The following PVALB variants were observed in gnomAD, a reference collection of about 807,000 sequenced individuals.
The protein encoded by PVALB is parvalbumin.
PVALB carries 11 observed loss-of-function variants against 10.9 expected under a neutral mutation model. The observed-to-expected ratio is 1.01, with a 90% CI of 0.63 to 1.67. The LOEUF (loss-of-function observed/expected upper bound fraction) is 1.67, where lower values mean the gene tolerates loss of function less well. PVALB is among the 40% of genes most tolerant of loss of function. PVALB has a pLI of 0.00. For missense variants in PVALB, 131 were observed against 136.2 expected, an observed-to-expected ratio of 0.96 and a Z score of 0.19; for synonymous variants, 57 against 50.7, an observed-to-expected ratio of 1.12 and a Z score of -0.53.
At chr22:36,808,066 C>G (rs1435402137) in intron 3 of PVALB, among the ~76,000 whole-genome samples, 2 of 152,232 alleles carry the variant, frequency 1.3e-5, no homozygotes, top group East Asian at 3.8e-4. Context: ...AAGAATGTAA[C>G]TAGGACTGCG....
At chr22:36,814,788 T>C (rs73421723) in intron 2 of PVALB, among the ~76,000 whole-genome samples, 6,048 of 152,262 alleles carry the variant, frequency 0.04, 383 homozygotes, top group African/African-American at 0.14. Context: ...CCTATGGTGT[T>C]AGGCAGCAAG....
chr22:36,817,382 CG>C, upstream of PVALB: 1 of 172,136 alleles, frequency 5.8e-6, no homozygotes, highest in Non-Finnish European at 1.2e-5. Flanking sequence ...GCAGGAGGTG[CG>C]CCGTCTCAGA....
chr22:36,816,495 C>A, intron 1 of PVALB: 1 of 164,748 alleles, frequency 6.1e-6, no homozygotes, highest in Non-Finnish European at 1.3e-5. Flanking sequence ...CCAACAAAGG[C>A]TACCGCCTGG....
At chr22:36,811,112 C>T (rs1361245953) in intron 3 of PVALB, among the ~76,000 whole-genome samples, 2 of 152,074 alleles carry the variant, frequency 1.3e-5, no homozygotes, top group Non-Finnish European at 2.9e-5. Context: ...CTCGTCTCTA[C>T]TAAAAATACA....
At chr22:36,809,815 G>A (rs906341502) in intron 3 of PVALB, among the ~76,000 whole-genome samples, 4 of 148,458 alleles carry the variant, frequency 2.7e-5, no homozygotes, top group African/African-American at 4.9e-5. Context: ...GGGCTGGAAC[G>A]CACCCCAGTA....
intron 3 of PVALB, among the ~76,000 whole-genome samples, chr22:36,803,673 G>A (rs370246630): frequency 1.5e-4 from 18 of 119,798 alleles, no homozygotes; most frequent in South Asian, 9.1e-4. Context: ...GGGTGGGTGG[G>A]TGGATGGATG....
chr22:36,802,377 C>T (rs180856363), intron 3 of PVALB, among the ~76,000 whole-genome samples: 18 of 151,656 alleles, frequency 1.2e-4, no homozygotes, highest in African/African-American at 4.1e-4. Context: ...CTGAGGTGGG[C>T]GGATCACGAG....
At position 36,813,749 on chromosome 22, in the gene PVALB, G is replaced by A. The variant is rs370605791; in HGVS notation, c.201C>T (p.Ile67=). The A allele has an allele frequency of 7.5e-6, 12 of 1,610,460 alleles. 1 individual carries two copies. In the Admixed American group the frequency reaches 1.5e-4, roughly 20 times the overall value. The change falls in exon 3 of 4, where the codon ATC becomes ATT. Residue 67 remains isoleucine, a synonymous_variant. Transcript: ENST00000417718. ...GFIEEDELGF[I]LKGFSPDARD... is the part of the protein sequence containing the mutation. ...TGGCATCTGGGGAGAAGCCTTTTAG[G>A]ATGAATCTGGAGGAGAAAAGGGAGA... is the stretch of plus-strand genomic sequence containing the variant.
intron 3 of PVALB, among the ~76,000 whole-genome samples, chr22:36,809,252 G>GTTCATTCA (rs997056906): frequency 6.6e-6 from 1 of 152,226 alleles, no homozygotes; most frequent in African/African-American, 2.4e-5. Flanking sequence ...CTGGGTACTT[G>GTTCATTCA]TTCATTCATT....
At chr22:36,815,326 A>G in intron 1 of PVALB, 91 bp from the exon 2 acceptor site, 1 of 1,522,422 alleles carries the variant, frequency 6.6e-7, no homozygotes, top group Non-Finnish European at 9.1e-7. Context: ...TTGTTGATGG[A>G]TTCCCACATG....
At chr22:36,816,774 CAG>C (rs1939145527) in intron 1 of PVALB, among the ~76,000 whole-genome samples, 169 bp downstream of exon 1, 1 of 152,190 alleles carries the variant, frequency 6.6e-6, no homozygotes, top group East Asian at 1.9e-4. Flanking sequence ...CTCGCCCGGA[CAG>C]AGTTTGGGAA....
chr22:36,815,249 A>C lies in PVALB; in HGVS notation c.62-14T>G. 2 of 1,614,076 alleles carry C rather than the reference A, an allele frequency of 1.2e-6. No individual in the cohort carries two copies. Among genetic ancestry groups the C allele is most frequent in the Non-Finnish European group, 1.7e-6 (2 of 1,179,938 alleles). On this transcript the variant is annotated splice_polypyrimidine_tract_variant and intron_variant, in intron 1 of 3. Coordinates refer to ENST00000417718, the MANE Select transcript of PVALB (RefSeq NM_001315532.2). ...AGGAGTCGGTAGCTGTGGGGGGAAG[A>C]GCAGGGTCAAACAAGGACCAGAAAG...
upstream of PVALB, chr22:36,817,173 G>A: frequency 1.9e-6 from 1 of 514,036 alleles, no homozygotes; most frequent in South Asian, 5.0e-5. Context: ...GAGCGGCTCA[G>A]TCCAGCCGCG....
intron 3 of PVALB, among the ~76,000 whole-genome samples, chr22:36,805,544 C>T (rs951640598): frequency 7.2e-5 from 11 of 152,196 alleles, no homozygotes; most frequent in Non-Finnish European, 1.3e-4. Flanking sequence ...TTCCTGCCTC[C>T]GCCCTGGCAC....
chr22:36,818,970 CTCT>C (rs1282183166), upstream of PVALB, among the ~76,000 whole-genome samples: 1 of 152,202 alleles, frequency 6.6e-6, no homozygotes, highest in African/African-American at 2.4e-5. Context: ...CAGGGGCCCA[CTCT>C]TCTTCCATCT....
chr22:36,801,902 C>A (rs1287302273), intron 3 of PVALB, among the ~76,000 whole-genome samples: 1 of 152,162 alleles, frequency 6.6e-6, no homozygotes, highest in Non-Finnish European at 1.5e-5. Context: ...CTTAGTCTGG[C>A]CCTATTTGCT....
At chr22:36,813,809 C>A in intron 2 of PVALB, 54 bp from the exon 3 acceptor site, 1 of 1,360,230 alleles carries the variant, frequency 7.4e-7, no homozygotes, top group South Asian at 1.2e-5. Flanking sequence ...GGTCGCCTTG[C>A]AGGACGCTGG....
chr22:36,816,847 G>A, intron 1 of PVALB, 98 bp downstream of exon 1: 1 of 1,091,450 alleles, frequency 9.2e-7, no homozygotes, highest in South Asian at 1.5e-5. Context: ...GGGCAGAAGC[G>A]CGCTGGGGAG....
At position 36,816,961 on chromosome 22, in the gene PVALB, C is replaced by G; in HGVS notation, c.45G>C (p.Ala15=). The G allele has an allele frequency of 6.2e-7, 1 of 1,608,988 alleles. No individual in the cohort carries two copies. The highest frequency in any genetic ancestry group is 8.5e-7 in the Non-Finnish European group (1 of 1,178,758). ...CTTGCTCACCGCTAAAGGCTCCCACCGCCTTCTTGATGTCCTCAGCGTTCA... is the reference window on the plus strand; with the variant it reads ...CTTGCTCACCGCTAAAGGCTCCCACGGCCTTCTTGATGTCCTCAGCGTTCA... ...DLLNAEDIKK[A]VGAFSATDSF... The change falls in exon 1 of 4, where the codon GCG becomes GCC. Residue 15 remains alanine (A), a synonymous_variant. Coordinates refer to ENST00000417718, the MANE Select transcript of PVALB (RefSeq NM_001315532.2).
Sources: allele counts gnomAD v4.1 joint callset (sites outside exome capture counted in the v4.1 genomes callset), GRCh38; gene constraint gnomAD v4.1.1; transcripts MANE v1.5; gene names NCBI Gene and HGNC (gene_info 2026-07-23, HGNC 2026-07-21).